Variants in OR52N4 observed in about 807,000 individuals in gnomAD.
OR52N4 encodes olfactory receptor family 52 subfamily N member 4, also known as olfactory receptor 52N4.
In OR52N4, 15 loss-of-function variants were observed where a neutral mutation model predicts 15.0. The ratio of observed to expected loss-of-function variants is 1.00; its 90% CI spans 0.67 to 1.54. The LOEUF is 1.54. Ranked by LOEUF, OR52N4 falls within the 40% of genes most tolerant of loss-of-function variation. The probability of loss-of-function intolerance (pLI) is 0.00; values close to 1 mark genes in which losing one functional copy is unlikely to be tolerated. For synonymous variants in OR52N4, 143 were observed against 143.7 expected (o/e 1.00, Z 0.03); for missense variants, 421 against 394.0 (o/e 1.07, Z -0.58).
upstream of OR52N4, among the ~76,000 whole-genome samples, chr11:5,750,010 A>C (rs1024585133): frequency 1.3e-5 from 2 of 151,972 alleles, no homozygotes; most frequent in Non-Finnish European, 2.9e-5. Context: ...AGAGCTTTGT[A>C]AATGTGTTGA....
chr11:5,737,623 C>T, the OR52N4 span: 3 of 807,626 alleles, frequency 3.7e-6, no homozygotes, highest in Non-Finnish European at 5.5e-6. Flanking sequence ...ATTGTGAAAG[C>T]TTCAGAAAAG....
the OR52N4 span, among the ~76,000 whole-genome samples, chr11:5,730,799 A>T: frequency 1.3e-5 from 2 of 149,372 alleles, no homozygotes; most frequent in Non-Finnish European, 3.0e-5. Flanking sequence ...CCTGCAGGAG[A>T]CAGCAACTAG....
At chr11:5,729,301 T>C in the OR52N4 span, among the ~76,000 whole-genome samples, 2 of 151,654 alleles carry the variant, frequency 1.3e-5, no homozygotes, top group African/African-American at 4.8e-5. Flanking sequence ...TTGTATTTTT[T>C]AGTAGAGACG....
chr11:5,744,010 AC>A, the OR52N4 span, among the ~76,000 whole-genome samples: 2 of 152,152 alleles, frequency 1.3e-5, no homozygotes, highest in Admixed American at 1.3e-4. Context: ...GAAAATTTGA[AC>A]AAACAAAATC....
At chr11:5,751,450 C>T (rs1006354273), upstream of OR52N4, among the ~76,000 whole-genome samples, 1 of 151,660 alleles carries the variant, frequency 6.6e-6, no homozygotes. Flanking sequence ...GTAAAACTTT[C>T]TCTTTTTTTT....
the OR52N4 span, among the ~76,000 whole-genome samples, chr11:5,740,833 TAAAAG>T: frequency 8.1e-6 from 1 of 124,066 alleles, no homozygotes; most frequent in African/African-American, 2.9e-5. Context: ...AAGAAAGAAA[TAAAAG>T]GAAAGAAAAG....
At chr11:5,746,151 T>C in the OR52N4 span, among the ~76,000 whole-genome samples, 1 of 152,104 alleles carries the variant, frequency 6.6e-6, no homozygotes, top group Non-Finnish European at 1.5e-5. Context: ...CCAAAACTAA[T>C]TTAAGATAGG....
At chr11:5,746,038 A>C in the OR52N4 span, among the ~76,000 whole-genome samples, 2 of 152,174 alleles carry the variant, frequency 1.3e-5, no homozygotes, top group African/African-American at 4.8e-5. Context: ...AAAGTCACTA[A>C]AATAAACACT....
the OR52N4 span, among the ~76,000 whole-genome samples, chr11:5,733,801 A>C: frequency 2.6e-5 from 4 of 152,292 alleles, no homozygotes; most frequent in African/African-American, 4.8e-5. Context: ...CTAGCCACAG[A>C]ATTTAGAACA....
chr11:5,726,540 T>C, the OR52N4 span: 1 of 151,904 alleles, frequency 6.6e-6, no homozygotes, highest in Non-Finnish European at 1.5e-5. Flanking sequence ...ACCCTTCTTG[T>C]CTTCTTCCTC....
In OR52N4 at chr11:5,755,668, C is replaced by G; in HGVS notation, c.928C>G (p.Leu310Val). 1 of 1,613,630 alleles carries G rather than the reference C, an allele frequency of 6.2e-7. No homozygotes were observed. The highest frequency in any genetic ancestry group is 1.7e-5 in the Admixed American group (1 of 59,970). ...KQIRDCVIRI[L>V]SGSKDTKSYS... ...GATACGAGACTGTGTCATAAGGATCCTTTCAGGTTCTAAGGATACCAAATC... is the reference window on the plus strand; with the variant it reads ...GATACGAGACTGTGTCATAAGGATCGTTTCAGGTTCTAAGGATACCAAATC... Residue 310 changes from leucine (L) to valine (V), a missense_variant, in exon 2 of 2, where the codon CTT (leucine) becomes GTT (valine). By Grantham distance (32) the Leu-to-Val change is conservative. Transcript: ENST00000641350.
the OR52N4 span, among the ~76,000 whole-genome samples, chr11:5,732,160 T>A: frequency 1.3e-5 from 2 of 152,206 alleles, no homozygotes; most frequent in Non-Finnish European, 2.9e-5. Flanking sequence ...TGAACCTTTA[T>A]ACACTTTGGT....
the OR52N4 span, among the ~76,000 whole-genome samples, chr11:5,731,771 C>G: frequency 6.6e-6 from 1 of 152,090 alleles, no homozygotes; most frequent in Admixed American, 6.6e-5. Context: ...TCTTATTTAT[C>G]CAATTCTCTC....
At chr11:5,741,447 G>C in the OR52N4 span, among the ~76,000 whole-genome samples, 18 of 152,334 alleles carry the variant, frequency 1.2e-4, no homozygotes, top group Admixed American at 1.0e-3. Context: ...TAATGCCTGA[G>C]TTGCCCTGGC....
chr11:5,732,538 C>T, the OR52N4 span, among the ~76,000 whole-genome samples: 1 of 151,866 alleles, frequency 6.6e-6, no homozygotes, highest in Admixed American at 6.6e-5. Context: ...ATTTCTTTGC[C>T]TTCTTCTTTA....
At chr11:5,729,322 G>A in the OR52N4 span, among the ~76,000 whole-genome samples, 20,361 of 151,256 alleles carry the variant, frequency 0.13, 1,498 homozygotes, top group East Asian at 0.29. Context: ...GGGTTTCACC[G>A]TGTTAGCCAG....
At chr11:5,754,560 C>A in intron 1 of OR52N4, 133 bp from the exon 2 acceptor site, 2 of 577,394 alleles carry the variant, frequency 3.5e-6, no homozygotes, top group Non-Finnish European at 5.7e-6. Context: ...AACAGACAAA[C>A]AAAATTATTT....
chr11:5,743,112 C>T, the OR52N4 span, among the ~76,000 whole-genome samples: 1 of 151,874 alleles, frequency 6.6e-6, no homozygotes. Context: ...ATAAGCCAGA[C>T]TTTATATAAA....
the OR52N4 span, among the ~76,000 whole-genome samples, chr11:5,729,114 A>ATTTTTTTT: frequency 2.1e-3 from 176 of 82,898 alleles, 7 homozygotes; most frequent in Non-Finnish European, 2.8e-3. Context: ...TTAAATTGAG[A>ATTTTTTTT]TTTTTTTTTT....
Sources: allele counts gnomAD v4.1 joint callset (sites outside exome capture counted in the v4.1 genomes callset), GRCh38; gene constraint gnomAD v4.1.1; transcripts MANE v1.5; gene names NCBI Gene and HGNC (gene_info 2026-07-23, HGNC 2026-07-21).